Variants in ATP8B4 observed in about 807,000 individuals in gnomAD.
ATP8B4 encodes ATPase phospholipid transporting 8B4 (putative), also known as probable phospholipid-transporting ATPase IM.
In ATP8B4, 133 loss-of-function variants were observed where a neutral mutation model predicts 145.6. The ratio of observed to expected loss-of-function variants is 0.91; its 90% CI spans 0.79 to 1.05. ATP8B4 has a LOEUF of 1.05. Among genes scored for constraint, ATP8B4 ranks in the 50% least tolerant of loss-of-function variants. The pLI is 0.00. For missense variants in ATP8B4, 1,458 were observed against 1,425.2 expected, an observed-to-expected ratio of 1.02 and a Z score of -0.37; for synonymous variants, 507 against 492.9, an observed-to-expected ratio of 1.03 and a Z score of -0.38.
intron 1 of ATP8B4, among the ~76,000 whole-genome samples, chr15:50,144,968 T>G (rs972134762): frequency 6.6e-6 from 1 of 152,174 alleles, no homozygotes; most frequent in Non-Finnish European, 1.5e-5. Flanking sequence ...TAGAAAATAT[T>G]TCGTTCTTAA....
chr15:50,108,791 T>C (rs2056807242), intron 1 of ATP8B4, among the ~76,000 whole-genome samples: 1 of 152,170 alleles, frequency 6.6e-6, no homozygotes, highest in African/African-American at 2.4e-5. Context: ...CACTCTAGAA[T>C]ACATTTTTCT....
chr15:50,000,799 TTCC>T (rs879418999), intron 8 of ATP8B4, among the ~76,000 whole-genome samples: 3 of 152,156 alleles, frequency 2.0e-5, no homozygotes, highest in African/African-American at 4.8e-5. Flanking sequence ...TTTCAAAGAT[TTCC>T]TCCTATTTTT....
chr15:50,041,050 G>A (rs2051242057), intron 5 of ATP8B4, among the ~76,000 whole-genome samples: 1 of 152,218 alleles, frequency 6.6e-6, no homozygotes, highest in African/African-American at 2.4e-5. Flanking sequence ...GGTAGGGTAA[G>A]GTGGTAGGAT....
intron 23 of ATP8B4, among the ~76,000 whole-genome samples, chr15:49,892,732 C>A (rs2036966512): frequency 6.6e-6 from 1 of 152,184 alleles, no homozygotes. Flanking sequence ...AATACCAAAT[C>A]TCATTGACTC....
intron 6 of ATP8B4, among the ~76,000 whole-genome samples, chr15:50,036,225 AG>A (rs1269511207): frequency 6.6e-6 from 1 of 152,174 alleles, no homozygotes; most frequent in Non-Finnish European, 1.5e-5. Flanking sequence ...AACAGAGGAA[AG>A]GGGAAGAAGC....
intron 9 of ATP8B4, among the ~76,000 whole-genome samples, chr15:49,995,075 A>G (rs1015573834): frequency 9.9e-5 from 15 of 152,274 alleles, no homozygotes; most frequent in Non-Finnish European, 2.1e-4. Context: ...TATGCCACTA[A>G]GATTGCAGGG....
At chr15:49,972,835 A>C (rs989872834) in intron 12 of ATP8B4, 45 bp from the exon 13 acceptor site, 1 of 1,576,982 alleles carries the variant, frequency 6.3e-7, no homozygotes, top group South Asian at 1.1e-5. Context: ...TGCTCCATTA[A>C]TTTCAGAACA....
At chr15:50,076,220 G>A (rs1220318327) in intron 2 of ATP8B4, among the ~76,000 whole-genome samples, 1 of 152,118 alleles carries the variant, frequency 6.6e-6, no homozygotes, top group Non-Finnish European at 1.5e-5. Context: ...TGGGCTGGGT[G>A]CGGTGGCTCA....
chr15:50,150,804 C>A (rs987524156), intron 1 of ATP8B4, among the ~76,000 whole-genome samples: 1 of 152,120 alleles, frequency 6.6e-6, no homozygotes, highest in African/African-American at 2.4e-5. Context: ...AGTAATATGA[C>A]AATTCTAATT....
rs1430344489 is a variant in ATP8B4, at chr15:49,962,039, A to C, written c.1244-19T>G. On this transcript the variant is annotated intron_variant, in intron 13 of 27. Transcript: ENST00000284509. ...ACTTCACCTGACAAAACAAAAATTG[A>C]GAATTAAAAGTAAGTGAAACCGAAA... 1 of 1,576,650 alleles carries C rather than the reference A, an allele frequency of 6.3e-7. No individual in the cohort carries two copies.
In ATP8B4 at chr15:49,985,298, A is replaced by G. The variant is rs538872161; in HGVS notation, c.748+2093T>C. ...TTTTTAGTAGAGATGGGGTTTCACC[A>G]TGTTAGCCAGGATGGTCTCAATCTC... On this transcript the variant is annotated intron_variant, in intron 10 of 27. Coordinates refer to ENST00000284509, the MANE Select transcript of ATP8B4 (RefSeq NM_024837.4). Among the ~76,000 whole-genome samples the G allele has an allele frequency of 7.2e-5, 11 of 152,120 alleles. No homozygotes were observed. In the East Asian group the frequency reaches 1.2e-3, roughly 16 times the overall value.
chr15:49,932,386 T>C (rs2041349156), intron 15 of ATP8B4, among the ~76,000 whole-genome samples: 1 of 152,024 alleles, frequency 6.6e-6, no homozygotes, highest in Non-Finnish European at 1.5e-5. Flanking sequence ...AATTTTTGTA[T>C]TGTATTGTTC....
In ATP8B4 at chr15:49,934,005, C is replaced by G; in HGVS notation, c.1453+12G>C. 1.3e-6 allele frequency: 2 copies of G among 1,541,064 alleles called. No homozygotes were observed. The highest frequency in any genetic ancestry group is 1.7e-6 in the Non-Finnish European group (2 of 1,143,964). ...AACAAGGTTCACCACTCAGACATAA[C>G]TTTTCACTTACCTGCGCTATTCTCT... On this transcript the variant is annotated intron_variant, in intron 15 of 27. Transcript: ENST00000284509.
intron 23 of ATP8B4, chr15:49,896,782 C>T (rs1284149777): frequency 2.0e-5 from 3 of 152,532 alleles, no homozygotes; most frequent in East Asian, 3.9e-4. Flanking sequence ...CTAATTTATA[C>T]ATTTGCTAAT....
At chr15:49,916,530 C>T (rs373967838) in intron 20 of ATP8B4, among the ~76,000 whole-genome samples, 63 of 152,226 alleles carry the variant, frequency 4.1e-4, no homozygotes, top group Middle Eastern at 3.4e-3. Context: ...GTCCCATATC[C>T]CATTCCGTGT....
At chr15:50,062,029 A>G (rs1416798235) in intron 3 of ATP8B4, among the ~76,000 whole-genome samples, 1 of 152,168 alleles carries the variant, frequency 6.6e-6, no homozygotes, top group Non-Finnish European at 1.5e-5. Flanking sequence ...TCAAAATTCC[A>G]AGAGTTCCTG....
At chr15:49,863,740 G>A (rs12441351) in intron 26 of ATP8B4, among the ~76,000 whole-genome samples, 54,648 of 151,908 alleles carry the variant, frequency 0.36, 10,112 homozygotes, top group Middle Eastern at 0.46. Context: ...CTTGAAGCTT[G>A]GTACCCTCAG....
At chr15:50,007,722 T>C (rs2153567419) in intron 7 of ATP8B4, among the ~76,000 whole-genome samples, 1 of 152,250 alleles carries the variant, frequency 6.6e-6, no homozygotes, top group East Asian at 1.9e-4. Flanking sequence ...GCCCCCCGAA[T>C]ATAAGCTCTC....
At chr15:50,045,454 G>A (rs2051640155) in intron 4 of ATP8B4, among the ~76,000 whole-genome samples, 1 of 152,134 alleles carries the variant, frequency 6.6e-6, no homozygotes, top group Non-Finnish European at 1.5e-5. Flanking sequence ...AAATCTCTTA[G>A]GTGGTTTTCA....
Sources: gnomAD v4.1 joint callset for allele counts (sites outside exome capture counted in the v4.1 genomes callset) on GRCh38, gnomAD v4.1.1 for gene constraint, MANE v1.5 for transcripts, NCBI Gene and HGNC (gene_info 2026-07-23, HGNC 2026-07-21) for gene names.